SPMAP2L: variants seen among roughly 807,000 people sequenced by gnomAD.
The protein encoded by SPMAP2L is sperm microtubule associated protein 2-like.
the SPMAP2L span, among the ~76,000 whole-genome samples, chr4:56,573,352 AT>A: frequency 4.4e-4 from 67 of 152,282 alleles, no homozygotes; most frequent in African/African-American, 1.4e-3. Flanking sequence ...CATAAGTATT[AT>A]GGTCAGTACA....
At chr4:56,571,151 T>C in the SPMAP2L span, among the ~76,000 whole-genome samples, 1 of 151,622 alleles carries the variant, frequency 6.6e-6, no homozygotes. Context: ...AAAAACCTTT[T>C]TGACTATTTT....
chr4:56,612,451 C>T, the SPMAP2L span, among the ~76,000 whole-genome samples: 4 of 152,054 alleles, frequency 2.6e-5, no homozygotes. Flanking sequence ...AAGCGATTCT[C>T]GTGCCTCAGT....
the SPMAP2L span, among the ~76,000 whole-genome samples, chr4:56,602,786 T>C: frequency 6.6e-6 from 1 of 152,156 alleles, no homozygotes; most frequent in African/African-American, 2.4e-5. Context: ...AATTATTATT[T>C]GGTGGTAAGG....
chr4:56,530,616 C>G, the SPMAP2L span: 1 of 1,497,120 alleles, frequency 6.7e-7, no homozygotes, highest in Non-Finnish European at 8.9e-7. Context: ...AGAGAGCAAA[C>G]TGCGCCTGGG....
the SPMAP2L span, among the ~76,000 whole-genome samples, chr4:56,622,098 T>C: frequency 5.6e-4 from 85 of 152,210 alleles, no homozygotes; most frequent in Admixed American, 1.3e-3. Flanking sequence ...GGAGCAGAGG[T>C]ATATATGGGA....
At chr4:56,594,159 T>C in the SPMAP2L span, 79 of 1,612,330 alleles carry the variant, frequency 4.9e-5, no homozygotes, top group East Asian at 8.7e-4. Context: ...GCTGAAAGCA[T>C]GGGAGAGGAG....
the SPMAP2L span, chr4:56,595,305 G>A: frequency 6.2e-7 from 1 of 1,612,512 alleles, no homozygotes; most frequent in Non-Finnish European, 8.5e-7. Context: ...ATGTGGCCAA[G>A]AGACTCCAGG....
chr4:56,577,421 A>G, the SPMAP2L span, among the ~76,000 whole-genome samples: 29 of 152,294 alleles, frequency 1.9e-4, no homozygotes, highest in South Asian at 4.4e-3. Flanking sequence ...GGCCATACTG[A>G]TATCAGACAA....
the SPMAP2L span, among the ~76,000 whole-genome samples, chr4:56,535,706 C>T: frequency 2.6e-5 from 4 of 152,114 alleles, no homozygotes; most frequent in Admixed American, 6.5e-5. Context: ...GCAGTAGCCT[C>T]CAGCTGGGTT....
chr4:56,536,441 C>T, the SPMAP2L span, among the ~76,000 whole-genome samples: 1 of 152,190 alleles, frequency 6.6e-6, no homozygotes, highest in Non-Finnish European at 1.5e-5. Context: ...TTGGCCTGCT[C>T]ATTTTCTTTG....
chr4:56,541,421 A>G, the SPMAP2L span, among the ~76,000 whole-genome samples: 1 of 152,348 alleles, frequency 6.6e-6, no homozygotes, highest in Non-Finnish European at 1.5e-5. Context: ...CATATTTGAC[A>G]TCACTAGAGT....
the SPMAP2L span, among the ~76,000 whole-genome samples, chr4:56,604,680 G>GTCC: frequency 6.6e-6 from 1 of 151,472 alleles, no homozygotes; most frequent in Non-Finnish European, 1.5e-5. Context: ...GAAAAGAAAA[G>GTCC]AAAAGAAATT....
the SPMAP2L span, among the ~76,000 whole-genome samples, chr4:56,564,986 C>T: frequency 6.6e-6 from 1 of 152,022 alleles, no homozygotes; most frequent in Non-Finnish European, 1.5e-5. Flanking sequence ...AGATGTCTTC[C>T]TATTGGTTTC....
chr4:56,606,885 C>A, the SPMAP2L span, among the ~76,000 whole-genome samples: 42 of 152,042 alleles, frequency 2.8e-4, no homozygotes, highest in Non-Finnish European at 4.9e-4. Context: ...GTGGGTAGGC[C>A]AAGTTAGGAG....
At chr4:56,560,673 C>T in the SPMAP2L span, among the ~76,000 whole-genome samples, 106,956 of 152,068 alleles carry the variant, frequency 0.7, 37,916 homozygotes, top group Middle Eastern at 0.76. Flanking sequence ...AGCAGTCCTT[C>T]TGCCTTAGCC....
At chr4:56,606,057 C>G in the SPMAP2L span, among the ~76,000 whole-genome samples, 2 of 152,150 alleles carry the variant, frequency 1.3e-5, no homozygotes, top group Admixed American at 1.3e-4. Context: ...GCCCTTTCCT[C>G]GGGGCCGAGA....
chr4:56,559,402 T>C, the SPMAP2L span: 4 of 1,516,268 alleles, frequency 2.6e-6, no homozygotes, highest in Non-Finnish European at 2.6e-6. Context: ...AAAACTGTTT[T>C]GGGGAAATCA....
the SPMAP2L span, among the ~76,000 whole-genome samples, chr4:56,619,913 A>T: frequency 6.6e-6 from 1 of 152,256 alleles, no homozygotes; most frequent in Admixed American, 6.5e-5. Flanking sequence ...ACTAGCTTAT[A>T]TAGCTCTGAT....
the SPMAP2L span, among the ~76,000 whole-genome samples, chr4:56,620,391 T>TTG: frequency 6.6e-6 from 1 of 151,906 alleles, no homozygotes; most frequent in East Asian, 1.9e-4. Flanking sequence ...TTCTAGTTTT[T>TTG]TTTTTTTTTT....
Sources: gnomAD v4.1 joint callset for allele counts (sites outside exome capture counted in the v4.1 genomes callset) on GRCh38, gnomAD v4.1.1 for gene constraint, MANE v1.5 for transcripts, NCBI Gene and HGNC (gene_info 2026-07-23, HGNC 2026-07-21) for gene names.